The following EPHB1 variants were observed in gnomAD, a reference collection of about 807,000 sequenced individuals.
The protein encoded by EPHB1 is EPH receptor B1.
EPHB1 carries 30 observed loss-of-function variants against 94.4 expected under a neutral mutation model. The observed-to-expected ratio is 0.32, with a 90% CI of 0.24 to 0.43. The LOEUF (loss-of-function observed/expected upper bound fraction) is 0.43. Among genes scored for constraint, EPHB1 ranks in the 20% least tolerant of loss-of-function variants. EPHB1 has a pLI of 1.00. For missense variants in EPHB1, 1,055 were observed against 1,308.3 expected (o/e 0.81, Z 2.99); for synonymous variants, 522 against 489.1 (o/e 1.07, Z -0.89).
chr3:135,003,637 G>A (rs1397250851), intron 3 of EPHB1, among the ~76,000 whole-genome samples: 2 of 152,096 alleles, frequency 1.3e-5, no homozygotes, highest in Non-Finnish European at 2.9e-5. Flanking sequence ...ATGAATCTGG[G>A]TGCTCCTGTA....
intron 13 of EPHB1, among the ~76,000 whole-genome samples, chr3:135,247,362 T>A (rs1351647810): frequency 6.6e-6 from 1 of 152,228 alleles, no homozygotes; most frequent in Admixed American, 6.5e-5. Context: ...TATTTCCATC[T>A]CAATAGATGG....
At chr3:134,971,048 T>C (rs1202148847) in intron 3 of EPHB1, among the ~76,000 whole-genome samples, 2 of 152,168 alleles carry the variant, frequency 1.3e-5, no homozygotes, top group Non-Finnish European at 2.9e-5. Flanking sequence ...TAGAAGTGAC[T>C]CATAGATGAG....
chr3:134,948,817 A>G (rs1460046807), intron 2 of EPHB1, among the ~76,000 whole-genome samples: 1 of 152,262 alleles, frequency 6.6e-6, no homozygotes, highest in Non-Finnish European at 1.5e-5. Flanking sequence ...CCCCAGGGCC[A>G]GTGTGCACAG....
intron 1 of EPHB1, among the ~76,000 whole-genome samples, chr3:134,882,749 C>CTTTCCTT (rs1491426824): frequency 0.012 from 470 of 38,014 alleles, 9 homozygotes; most frequent in East Asian, 0.082. Flanking sequence ...CTTCTTTCTT[C>CTTTCCTT]CTTTCTTCCT....
At chr3:135,146,487 G>A (rs185959445) in intron 5 of EPHB1, among the ~76,000 whole-genome samples, 1 of 152,316 alleles carries the variant, frequency 6.6e-6, no homozygotes, top group Admixed American at 6.5e-5. Context: ...CTGGGCCTGA[G>A]CCACACATTA....
At chr3:135,010,862 G>A (rs528764344) in intron 3 of EPHB1, among the ~76,000 whole-genome samples, 5 of 152,194 alleles carry the variant, frequency 3.3e-5, no homozygotes, top group Admixed American at 6.5e-5. Context: ...GTGCCCGGCC[G>A]AGGGTCTGTA....
chr3:135,202,552 A>G (rs1291570834), intron 12 of EPHB1, among the ~76,000 whole-genome samples: 2 of 152,126 alleles, frequency 1.3e-5, no homozygotes, highest in African/African-American at 4.8e-5. Context: ...GTCTCCTTAC[A>G]TCCATTTCAA....
intron 3 of EPHB1, among the ~76,000 whole-genome samples, chr3:135,097,914 G>A (rs1938865925): frequency 6.6e-6 from 1 of 152,174 alleles, no homozygotes; most frequent in Admixed American, 6.5e-5. Flanking sequence ...CCCCAGGTAA[G>A]CTAGGGATGG....
At chr3:135,171,416 T>C (rs1394909688) in intron 9 of EPHB1, among the ~76,000 whole-genome samples, 2 of 152,192 alleles carry the variant, frequency 1.3e-5, no homozygotes, top group African/African-American at 4.8e-5. Context: ...TCTTGTTTGT[T>C]TGATTGTTTT....
intron 1 of EPHB1, among the ~76,000 whole-genome samples, chr3:134,906,561 A>G (rs1578186362): frequency 6.6e-6 from 1 of 152,188 alleles, no homozygotes; most frequent in Admixed American, 6.5e-5. Context: ...ACCCTTCACT[A>G]TCTAGTGGTG....
At chr3:135,087,022 C>A (rs1576372904) in intron 3 of EPHB1, among the ~76,000 whole-genome samples, 1 of 152,200 alleles carries the variant, frequency 6.6e-6, no homozygotes, top group African/African-American at 2.4e-5. Context: ...AAAAATAAAA[C>A]CAGTACCTTT....
chr3:135,170,492 C>G (rs913077096), intron 9 of EPHB1, among the ~76,000 whole-genome samples: 3 of 108,350 alleles, frequency 2.8e-5, no homozygotes, highest in Admixed American at 1.5e-4. Flanking sequence ...GCCTATCATG[C>G]ATGTTCAAGG....
At chr3:134,998,883 A>G (rs1935082707) in intron 3 of EPHB1, among the ~76,000 whole-genome samples, 1 of 152,196 alleles carries the variant, frequency 6.6e-6, no homozygotes, top group Non-Finnish European at 1.5e-5. Context: ...AAAAGGGATC[A>G]AGGATAGGCA....
intron 3 of EPHB1, among the ~76,000 whole-genome samples, chr3:135,087,788 C>T (rs1410416514): frequency 6.6e-6 from 1 of 152,200 alleles, no homozygotes; most frequent in Non-Finnish European, 1.5e-5. Flanking sequence ...AGTGAATGCT[C>T]ACTGCCTGCC....
At chr3:135,018,141 G>T (rs1274426640) in intron 3 of EPHB1, among the ~76,000 whole-genome samples, 1 of 152,156 alleles carries the variant, frequency 6.6e-6, no homozygotes, top group African/African-American at 2.4e-5. Context: ...TCAGAAAGTT[G>T]ATGTGAAGCC....
chr3:134,956,638 T>A (rs1392422834), intron 3 of EPHB1, among the ~76,000 whole-genome samples: 2 of 152,164 alleles, frequency 1.3e-5, no homozygotes, highest in Non-Finnish European at 2.9e-5. Flanking sequence ...TAGTCTTGGC[T>A]CTGCTGCAAA....
At chr3:135,162,595 A>G (rs1036646468) in intron 7 of EPHB1, among the ~76,000 whole-genome samples, 1 of 152,178 alleles carries the variant, frequency 6.6e-6, no homozygotes, top group Non-Finnish European at 1.5e-5. Context: ...GAGGAAATGG[A>G]GAGACAAAAT....
chr3:135,161,671 G>C (rs1034700844), intron 6 of EPHB1, among the ~76,000 whole-genome samples: 1 of 152,156 alleles, frequency 6.6e-6, no homozygotes. Context: ...GAGACTTGAG[G>C]GGATTTTGCA....
chr3:135,027,771 A>G (rs1343624763), intron 3 of EPHB1, among the ~76,000 whole-genome samples: 3 of 131,674 alleles, frequency 2.3e-5, no homozygotes, highest in African/African-American at 5.1e-5. Context: ...CTCTTTTTCT[A>G]TTGATTGGAA....
Sources: allele counts gnomAD v4.1 joint callset (sites outside exome capture counted in the v4.1 genomes callset), GRCh38; gene constraint gnomAD v4.1.1; transcripts MANE v1.5; gene names NCBI Gene and HGNC (gene_info 2026-07-23, HGNC 2026-07-21).